The following PCK1 variants were observed in gnomAD, a reference collection of about 807,000 sequenced individuals.
PCK1 encodes the protein phosphoenolpyruvate carboxykinase 1.
In PCK1, 44 loss-of-function variants were observed where a neutral mutation model predicts 50.3. The ratio of observed to expected loss-of-function variants is 0.87; its 90% CI spans 0.69 to 1.12. The LOEUF is 1.12. Ranked by LOEUF, PCK1 falls within the 50% of genes most tolerant of loss-of-function variation. The pLI is 0.00. For missense variants in PCK1, 790 were observed against 815.0 expected, an observed-to-expected ratio of 0.97 and a Z score of 0.37; for synonymous variants, 332 against 314.3, an observed-to-expected ratio of 1.06 and a Z score of -0.59.
rs200817092 is a variant in PCK1, at chr20:57,563,670, G to A, written c.904G>A (p.Gly302Arg). The part of the protein sequence containing the change: ...NLAMMNPSLP[G>R]WKVECVGDDI... ...GGCCATGATGAACCCCAGCCTCCCC[G>A]GGTGGAAGGTTGAGTGCGTCGGGGA... The change falls in exon 6 of 10, where the codon GGG becomes AGG. Residue 302 changes from glycine to arginine, a missense_variant. Physicochemically the swap from Gly to Arg is moderately radical, Grantham distance 125 (BLOSUM62 -2). Coordinates refer to ENST00000319441, the MANE Select transcript of PCK1 (RefSeq NM_002591.4). 1.2e-4 allele frequency: 197 copies of A among 1,613,732 alleles called. No individual in the cohort carries two copies. The highest frequency in any genetic ancestry group is 1.6e-4 in the Non-Finnish European group (187 of 1,179,820).
rs1279730954 is a variant in PCK1 at position 57,561,633 on chromosome 20, C to T, written c.222C>T (p.Asn74=). ...TCAGGCGGCTGAAGAAGTATGACAACTGGTAAGCTCGGCCCCCGCTGCCTG... is the reference window on the plus strand; with the variant it reads ...TCAGGCGGCTGAAGAAGTATGACAATTGGTAAGCTCGGCCCCCGCTGCCTG... ...GILRRLKKYD[N]CWLALTDPRD... is the part of the protein sequence containing the mutation. Residue 74 remains asparagine, a splice_region_variant and synonymous_variant, in exon 2 of 10, where the codon AAC becomes AAT. Transcript: ENST00000319441. 7 of 1,605,386 alleles carry T rather than the reference C, an allele frequency of 4.4e-6. No homozygotes were observed. Among genetic ancestry groups the T allele is most frequent in the Non-Finnish European group, 5.1e-6 (6 of 1,174,212 alleles).
At chr20:57,562,449 A>C in intron 3 of PCK1, 197 bp downstream of exon 3, 2 of 632,330 alleles carry the variant, frequency 3.2e-6, no homozygotes, top group Non-Finnish European at 5.5e-6. Flanking sequence ...CAAACGTGAA[A>C]ACTAGTTCCA....
At chr20:57,561,297 G>C (rs2070137983) in intron 1 of PCK1, 75 bp from the exon 2 acceptor site, 1 of 693,356 alleles carries the variant, frequency 1.4e-6, no homozygotes, top group African/African-American at 1.8e-5. Flanking sequence ...GCACAGCCCT[G>C]GCAAAAGGCC....
In PCK1 at chr20:57,565,049, T is replaced by C; in HGVS notation, c.1328T>C (p.Leu443Pro). The C allele has an allele frequency of 6.2e-7, 1 of 1,612,966 alleles. No homozygotes were observed. The highest frequency in any genetic ancestry group is 8.5e-7 in the Non-Finnish European group (1 of 1,179,008). Reference sequence around the variant, plus strand: ...TTTTTTCCTGCTAAAGGTGTCCCTCTAGTCTATGAAGCTCTCAGCTGGCAA... The same window carrying C: ...TTTTTTCCTGCTAAAGGTGTCCCTCCAGTCTATGAAGCTCTCAGCTGGCAA... ...FGGRRPAGVP[L>P]VYEALSWQHG... The change falls in exon 9 of 10, where the codon CTA becomes CCA. Residue 443 changes from leucine (L) to proline (P), a missense_variant. Transcript: ENST00000319441.
At chr20:57,564,765 G>T in intron 8 of PCK1, 152 bp downstream of exon 8, 1 of 726,732 alleles carries the variant, frequency 1.4e-6, no homozygotes, top group Non-Finnish European at 2.3e-6. Flanking sequence ...TAATTGGCAA[G>T]TTCAAATGTA....
Position 57,564,355 on chromosome 20 carries a change from T to C in PCK1, c.1148T>C (p.Ile383Thr). ...GAGCCGCTAGCTTCAGGTGTCACCA[T>C]CACGTCCTGGAAGAATAAGGAGTGG... The part of the protein sequence containing the change: ...IDEPLASGVT[I>T]TSWKNKEWSS... Residue 383 changes from isoleucine (I) to threonine (T), a missense_variant, in exon 7 of 10, where the codon ATC becomes ACC. Ile to Thr is a moderately conservative substitution (Grantham distance 89). Transcript: ENST00000319441. The C allele has an allele frequency of 6.2e-7, 1 of 1,614,052 alleles. No individual in the cohort carries two copies. Among genetic ancestry groups the C allele is most frequent in the South Asian group, 1.1e-5 (1 of 91,076 alleles).
chr20:57,562,322 G>A, intron 3 of PCK1, 70 bp downstream of exon 3: 2 of 1,335,522 alleles, frequency 1.5e-6, no homozygotes, highest in Non-Finnish European at 2.1e-6. Flanking sequence ...TATCCTAATG[G>A]TAATTCAAAC....
In PCK1 at chr20:57,566,935, G is replaced by A. The variant is rs184617647; in HGVS notation, c.*1131G>A. 5 of 152,278 alleles carry A rather than the reference G, an allele frequency of 3.3e-5. No individual in the cohort carries two copies. 9.4% of individuals were successfully genotyped at this position (152,278 alleles called of 1,614,324 possible). A position where few individuals can be genotyped will look rare whatever the true frequency, so the allele number is the denominator to read the frequency against. ...AGGAAAAGGGGACAGGATCTGGGTT[G>A]AGCAAGCATTAATTGAGCGCCTTCT... On this transcript the variant is annotated 3_prime_UTR_variant, in exon 10 of 10. Transcript: ENST00000319441.
At position 57,563,053 on chromosome 20, in the gene PCK1, C is replaced by A. The variant is rs150402740; in HGVS notation, c.636C>A (p.Cys212Ter). The change falls in exon 5 of 10, where the codon TGC (cysteine) becomes TGA (stop). Residue 212 changes from cysteine to a stop codon, truncating the protein, a stop_gained. Transcript: ENST00000319441. LOFTEE classifies it high-confidence loss of function. ...LQKPLVNNWPCNPELTLIAHL... is the reference protein window; with the variant it reads ...LQKPLVNNWP ...AGCCTTTGGTCAACAACTGGCCCTG[C>A]AACCCGGAGCTGACGCTCATCGCCC... The A allele has an allele frequency of 1.9e-6, 3 of 1,613,704 alleles. No homozygotes were observed. The highest frequency in any genetic ancestry group is 2.5e-6 in the Non-Finnish European group (3 of 1,179,866).
Position 57,563,142 on chromosome 20 carries a change from G to A in PCK1, c.725G>A (p.Gly242Glu), listed in dbSNP as rs1185656022. ...GSGYGGNSLL[G>E]KKCFALRMAS... ...GGGTACGGCGGGAACTCGCTGCTCG[G>A]GAAGAAGTGCTTTGCTCTCAGGATG... is the stretch of plus-strand genomic sequence containing the variant. The change falls in exon 5 of 10, where the codon GGG becomes GAG. Residue 242 changes from glycine to glutamate, a missense_variant. By Grantham distance (98) the Gly-to-Glu change is moderately conservative. Coordinates refer to ENST00000319441, the MANE Select transcript of PCK1 (RefSeq NM_002591.4). The A allele has an allele frequency of 3.1e-6, 5 of 1,613,854 alleles. No homozygotes were observed. The East Asian group carries it at 1.1e-4, about 36-fold the overall frequency.
rs1410815147 is a variant in PCK1 at position 57,563,724 on chromosome 20, C to G, written c.958C>G (p.Gln320Glu). The G allele has an allele frequency of 6.2e-7, 1 of 1,606,862 alleles. No homozygotes were observed. The highest frequency in any genetic ancestry group is 8.5e-7 in the Non-Finnish European group (1 of 1,176,770). ...CATTGCCTGGATGAAGTTTGACGCA[C>G]AAGGTGACTCTTTTAGACCCAACTC... ...DDIAWMKFDAQGHLRAINPEN... is the reference protein window; with the variant it reads ...DDIAWMKFDAEGHLRAINPEN... Residue 320 changes from glutamine to glutamate, a missense_variant, in exon 6 of 10, where the codon CAA becomes GAA. Coordinates refer to ENST00000319441, the MANE Select transcript of PCK1 (RefSeq NM_002591.4).
In PCK1 at chr20:57,562,005, C is replaced by T. The variant is rs8123020; in HGVS notation, c.225-66C>T. On this transcript the variant is annotated intron_variant, in intron 2 of 9. Transcript: ENST00000319441. ...GCACTCTGCTAGGCATGGAAAGCCA[C>T]GGTACTGAAGGAGATGGTTCGCTGC... The T allele has an allele frequency of 0.11, 143,721 of 1,364,694 alleles. 8,375 individuals carry two copies. The highest frequency in any genetic ancestry group is 0.21 in the Middle Eastern group (915 of 4,294). 84.5% of individuals were successfully genotyped at this position (1,364,694 alleles called of 1,614,324 possible).
intron 4 of PCK1, 43 bp from the exon 5 acceptor site, chr20:57,562,985 C>A (rs2146527987): frequency 6.3e-7 from 1 of 1,588,080 alleles, no homozygotes; most frequent in Non-Finnish European, 8.6e-7. Context: ...GACCCCCAAG[C>A]AGGGCCCTGG....
In PCK1 at chr20:57,563,140, C is replaced by T. The variant is rs545432360; in HGVS notation, c.723C>T (p.Leu241=). The T allele has an allele frequency of 1.7e-5, 28 of 1,613,784 alleles. 1 individual carries two copies. The highest frequency in any genetic ancestry group is 6.7e-5 in the East Asian group (3 of 44,848). Residue 241 remains leucine, a synonymous_variant, in exon 5 of 10, where the codon CTC becomes CTT. Transcript: ENST00000319441. ...FGSGYGGNSL[L]GKKCFALRMA... ...GTGGGTACGGCGGGAACTCGCTGCT[C>T]GGGAAGAAGTGCTTTGCTCTCAGGA...
intron 6 of PCK1, 66 bp downstream of exon 6, chr20:57,563,793 T>C: frequency 1.5e-6 from 2 of 1,294,458 alleles, no homozygotes; most frequent in Non-Finnish European, 2.2e-6. Flanking sequence ...CTTCGAAACA[T>C]GTCACATTCT....
Position 57,564,593 on chromosome 20 carries a change from T to C in PCK1, c.1298T>C (p.Phe433Ser), listed in dbSNP as rs147359920. 5.0e-6 allele frequency: 8 copies of C among 1,606,350 alleles called. No individual in the cohort carries two copies. The highest frequency in any genetic ancestry group is 2.6e-6 in the Non-Finnish European group (3 of 1,175,468). Reference sequence around the variant, plus strand: ...GGTGTTCCCATTGAAGGCATTATCTTTGGAGGCCGTAGACCTGCTGGTGAG... The same window carrying C: ...GGTGTTCCCATTGAAGGCATTATCTCTGGAGGCCGTAGACCTGCTGGTGAG... Reference protein sequence around the residue: ...PEGVPIEGIIFGGRRPAGVPL... With the variant: ...PEGVPIEGIISGGRRPAGVPL... The change falls in exon 8 of 10, where the codon TTT becomes TCT. Residue 433 changes from phenylalanine (F) to serine (S), a missense_variant. Transcript: ENST00000319441.
At chr20:57,562,992 C>G in intron 4 of PCK1, 36 bp from the exon 5 acceptor site, 1 of 1,596,922 alleles carries the variant, frequency 6.3e-7, no homozygotes, top group Non-Finnish European at 8.6e-7. Context: ...AAGCAGGGCC[C>G]TGGCGCACTG....
chr20:57,567,884 C>T lies in PCK1; in HGVS notation c.*2080C>T, dbSNP rs1050021456. ...CAGCATCAGCCACCTGGCAAGCAGT[C>T]TCACATAGGACCATTTGCCAGCAGG... On this transcript the variant is annotated 3_prime_UTR_variant, in exon 10 of 10. Transcript: ENST00000319441. 6.6e-6 allele frequency: 1 copy of T among 152,388 alleles called. No homozygotes were observed. The highest frequency in any genetic ancestry group is 1.5e-5 in the Non-Finnish European group (1 of 68,140). The allele number at this position is 152,388 out of a possible 1,614,324, so 9.4% of individuals were successfully genotyped here.
chr20:57,561,323 A>G, intron 1 of PCK1, 49 bp from the exon 2 acceptor site: 1 of 787,538 alleles, frequency 1.3e-6, no homozygotes, highest in Non-Finnish European at 2.1e-6. Context: ...ATGTGTTTGA[A>G]GGTGTCTGTT....
Sources: allele counts gnomAD v4.1 joint callset, GRCh38; gene constraint gnomAD v4.1.1; transcripts MANE v1.5; gene names NCBI Gene and HGNC (gene_info 2026-07-23, HGNC 2026-07-21).